Variants in CYP4Z1 observed in about 807,000 individuals in gnomAD.
CYP4Z1 encodes cytochrome P450 4Z1.
In CYP4Z1, 41 loss-of-function variants were observed where a neutral mutation model predicts 54.2. That is an observed-to-expected ratio of 0.76 (90% CI 0.59 to 0.98). The LOEUF (loss-of-function observed/expected upper bound fraction) is 0.98. CYP4Z1 is among the 50% of genes least tolerant of loss of function. The pLI is 0.00. For synonymous variants in CYP4Z1, 163 were observed against 206.2 expected (o/e 0.79, Z 1.79); for missense variants, 513 against 599.0 (o/e 0.86, Z 1.50).
Position 47,116,719 on chromosome 1 carries a change from T to G in CYP4Z1, c.1336T>G (p.Ser446Ala). Reference protein sequence around the residue: ...KIHPYAFIPFSAGLRNCIGQH... With the variant: ...KIHPYAFIPFAAGLRNCIGQH... Reference sequence around the variant, plus strand: ...ACATCCCTATGCCTTCATACCATTCTCAGCTGGATTAAGGTAAAGACTCAA... The same window carrying G: ...ACATCCCTATGCCTTCATACCATTCGCAGCTGGATTAAGGTAAAGACTCAA... The change falls in exon 11 of 12, where the codon TCA becomes GCA. Residue 446 changes from serine to alanine, a missense_variant. Coordinates refer to ENST00000334194, the MANE Select transcript of CYP4Z1 (RefSeq NM_178134.3). 1 of 1,609,472 alleles carries G rather than the reference T, an allele frequency of 6.2e-7. No individual in the cohort carries two copies. The highest frequency in any genetic ancestry group is 1.1e-5 in the South Asian group (1 of 90,462).
chr1:47,115,532 T>C lies in CYP4Z1; in HGVS notation c.1205T>C (p.Ile402Thr). 6.2e-7 allele frequency: 1 copy of C among 1,613,112 alleles called. No homozygotes were observed. The highest frequency in any genetic ancestry group is 1.7e-5 in the Admixed American group (1 of 59,914). ...GCTTTTTCTTCTGTTTACTCAGGAA[T>C]AACTGTGTTTATCAATATTTGGGCT... is the stretch of plus-strand genomic sequence containing the variant. ...FPDGRSLPAG[I>T]TVFINIWALH... The change falls in exon 10 of 12, where the codon ATA becomes ACA. Residue 402 changes from isoleucine (I) to threonine (T), a missense_variant. By Grantham distance (89) the Ile-to-Thr change is moderately conservative (BLOSUM62 -1). Transcript: ENST00000334194.
At chr1:47,089,642 C>A (rs1466646430) in intron 6 of CYP4Z1, among the ~76,000 whole-genome samples, 1 of 152,164 alleles carries the variant, frequency 6.6e-6, no homozygotes, top group Non-Finnish European at 1.5e-5. Context: ...ATATTCTAAC[C>A]CTATATTTTA....
intron 8 of CYP4Z1, among the ~76,000 whole-genome samples, chr1:47,101,690 C>T (rs1175521505): frequency 1.3e-5 from 2 of 151,976 alleles, no homozygotes; most frequent in East Asian, 3.8e-4. Context: ...GGAAAATATT[C>T]CATGTGCTGA....
chr1:47,079,470 A>T (rs2148528227), intron 2 of CYP4Z1, among the ~76,000 whole-genome samples: 1 of 152,318 alleles, frequency 6.6e-6, no homozygotes, highest in African/African-American at 2.4e-5. Context: ...TCACTCTTAG[A>T]CATTATTTTT....
intron 8 of CYP4Z1, among the ~76,000 whole-genome samples, chr1:47,100,654 G>A (rs1238870011): frequency 6.6e-6 from 1 of 152,178 alleles, no homozygotes; most frequent in Non-Finnish European, 1.5e-5. Context: ...CTATGCTGGT[G>A]TAGTGTTATA....
At chr1:47,057,280 G>A in the CYP4Z1 span, among the ~76,000 whole-genome samples, 217 of 136,438 alleles carry the variant, frequency 1.6e-3, no homozygotes, top group African/African-American at 5.6e-3. Flanking sequence ...AGTTTCTGCC[G>A]AGGGATCAGC....
At position 47,110,835 on chromosome 1, in the gene CYP4Z1, T is replaced by C. The variant is rs564027088; in HGVS notation, c.1201+4574T>C. Among the ~76,000 whole-genome samples, 331 of 151,522 alleles carry C rather than the reference T, an allele frequency of 2.2e-3. 2 individuals carry two copies. The highest frequency in any genetic ancestry group is 7.4e-3 in the African/African-American group (305 of 41,262). On this transcript the variant is annotated intron_variant, in intron 9 of 11. Coordinates refer to ENST00000334194, the MANE Select transcript of CYP4Z1 (RefSeq NM_178134.3). ...TGAGGCTTGGGAGAGTTAAATAACA[T>C]TGGGTTTTTGAAGCTCTAAACTTCA...
At chr1:47,104,687 A>G (rs1461167288) in intron 8 of CYP4Z1, among the ~76,000 whole-genome samples, 4 of 152,118 alleles carry the variant, frequency 2.6e-5, no homozygotes, top group Admixed American at 1.3e-4. Flanking sequence ...TCAGGTGCCA[A>G]TGATAGACTG....
chr1:47,104,195 C>T lies in CYP4Z1; in HGVS notation c.1068-1933C>T, dbSNP rs548546785. Among the ~76,000 whole-genome samples, 10 of 152,236 alleles carry T rather than the reference C, an allele frequency of 6.6e-5. No individual in the cohort carries two copies. In the South Asian group the frequency reaches 1.2e-3, roughly 19 times the overall value. Reference sequence around the variant, plus strand: ...TTCTGGGCATGTGCAGTAGTGTAATCGCTGTATGATTTCTTCAACTATAAA... The same window carrying T: ...TTCTGGGCATGTGCAGTAGTGTAATTGCTGTATGATTTCTTCAACTATAAA... On this transcript the variant is annotated intron_variant, in intron 8 of 11. Transcript: ENST00000334194.
chr1:47,084,371 A>G (rs1557624735), intron 4 of CYP4Z1, among the ~76,000 whole-genome samples: 1 of 151,554 alleles, frequency 6.6e-6, no homozygotes, highest in Non-Finnish European at 1.5e-5. Flanking sequence ...AATTGTACTA[A>G]TGAAACTTGA....
chr1:47,101,326 G>C (rs1204137928), intron 8 of CYP4Z1, among the ~76,000 whole-genome samples: 1 of 151,964 alleles, frequency 6.6e-6, no homozygotes, highest in Non-Finnish European at 1.5e-5. Context: ...CTACTTCCTA[G>C]AGGTGCCTCA....
chr1:47,068,006 A>G (rs1644462940), intron 1 of CYP4Z1, among the ~76,000 whole-genome samples: 2 of 152,222 alleles, frequency 1.3e-5, no homozygotes, highest in African/African-American at 4.8e-5. Flanking sequence ...GACCAAGCCA[A>G]TTGTTAACAG....
In CYP4Z1 at chr1:47,096,471, G is replaced by GAT. The variant is rs1644677523; in HGVS notation, c.876+1803_876+1804insTA. Among the ~76,000 whole-genome samples the GAT allele has an allele frequency of 3.3e-5, 5 of 152,120 alleles. No homozygotes were observed. The South Asian group carries it at 8.3e-4, about 25-fold the overall frequency. On this transcript the variant is annotated intron_variant, in intron 7 of 11. Coordinates refer to ENST00000334194, the MANE Select transcript of CYP4Z1 (RefSeq NM_178134.3). ...AAATAGTACACACTGTTTTTATTTTGAGTTAATACCTTTTTTCTTTTTGAT... is the reference window on the plus strand; with the variant it reads ...AAATAGTACACACTGTTTTTATTTTGATAGTTAATACCTTTTTTCTTTTTGAT...
At chr1:47,113,001 AG>A (rs1349912185) in intron 9 of CYP4Z1, among the ~76,000 whole-genome samples, 1 of 151,382 alleles carries the variant, frequency 6.6e-6, no homozygotes, top group African/African-American at 2.4e-5. Flanking sequence ...TGACTAGGAA[AG>A]GAAAAAAAAA....
intron 2 of CYP4Z1, among the ~76,000 whole-genome samples, chr1:47,073,853 T>A (rs1210415108): frequency 2.0e-5 from 3 of 152,366 alleles, no homozygotes; most frequent in East Asian, 1.9e-4. Flanking sequence ...CAAGTTTTTT[T>A]ATCAGATATA....
At chr1:47,100,546 T>C (rs1644713816) in intron 8 of CYP4Z1, among the ~76,000 whole-genome samples, 1 of 152,194 alleles carries the variant, frequency 6.6e-6, no homozygotes, top group Non-Finnish European at 1.5e-5. Context: ...TTGGTCACGG[T>C]TGGTGTTGGT....
intron 9 of CYP4Z1, among the ~76,000 whole-genome samples, chr1:47,110,849 C>G (rs1250487515): frequency 6.6e-6 from 1 of 151,424 alleles, no homozygotes; most frequent in African/African-American, 2.4e-5. Flanking sequence ...GTTTTTGAAG[C>G]TCTAAACTTC....
At chr1:47,088,111 G>A (rs924547726) in intron 6 of CYP4Z1, among the ~76,000 whole-genome samples, 1 of 152,110 alleles carries the variant, frequency 6.6e-6, no homozygotes, top group African/African-American at 2.4e-5. Flanking sequence ...ATTTTATTAA[G>A]GATTTTTGCA....
In CYP4Z1 at chr1:47,068,602, C is replaced by T; in HGVS notation, c.178-20C>T. On this transcript the variant is annotated intron_variant, in intron 1 of 11. Transcript: ENST00000334194. ...GGGGTGACAACCTTTACTAACCAGT[C>T]ATGACTTATCTTATGACAGTTTTAC... 4 of 1,612,798 alleles carry T rather than the reference C, an allele frequency of 2.5e-6. No homozygotes were observed. Among genetic ancestry groups the T allele is most frequent in the Non-Finnish European group, 3.4e-6 (4 of 1,179,282 alleles).
Sources: gnomAD v4.1 joint callset for allele counts (sites outside exome capture counted in the v4.1 genomes callset) on GRCh38, gnomAD v4.1.1 for gene constraint, MANE v1.5 for transcripts, NCBI Gene and HGNC (gene_info 2026-07-23, HGNC 2026-07-21) for gene names.